RUSF1: variants seen among roughly 807,000 people sequenced by gnomAD.
The protein encoded by RUSF1 is RUS1 family protein C16orf58.
In RUSF1, 58 loss-of-function variants were observed where a neutral mutation model predicts 63.0. The observed-to-expected ratio is 0.92, with a 90% CI of 0.75 to 1.15. RUSF1 has a LOEUF of 1.15. RUSF1 is among the 50% of genes most tolerant of loss of function. The pLI is 0.00. For missense variants in RUSF1, 652 were observed against 611.0 expected (o/e 1.07, Z -0.71); for synonymous variants, 274 against 255.8 (o/e 1.07, Z -0.68).
chr16:31,508,120 C>T lies in RUSF1; in HGVS notation c.254G>A (p.Ser85Asn). Reference protein sequence around the residue: ...AVFLPQGFPDSVSPDYLPYQL... With the variant: ...AVFLPQGFPDNVSPDYLPYQL... ...GTAGGGCAAGTAGTCCGGGCTGACG[C>T]TATCAGGGAAGCCCTGAGGCAGGAA... The change falls in exon 1 of 13, where the codon AGC becomes AAC. Residue 85 changes from serine (S) to asparagine (N), a missense_variant. Transcript: ENST00000327237. 1 of 1,603,646 alleles carries T rather than the reference C, an allele frequency of 6.2e-7. No individual in the cohort carries two copies. Among genetic ancestry groups the T allele is most frequent in the Non-Finnish European group, 8.5e-7 (1 of 1,175,650 alleles).
intron 2 of RUSF1, among the ~76,000 whole-genome samples, chr16:31,503,084 G>C (rs2082640713): frequency 6.6e-6 from 1 of 152,230 alleles, no homozygotes; most frequent in Admixed American, 6.5e-5. Flanking sequence ...CCTAGCATCT[G>C]AGTCACTACT....
Position 31,499,321 on chromosome 16 carries a change from G to A in RUSF1, c.581C>T (p.Ser194Phe), listed in dbSNP as rs2082620519. ...VYPICFTMTV[S>F]TSNLAKCIVS... ...AGCTACCTTGGCTAGGTTGCTGGTG[G>A]AGACGGTCATGGTGAAACAGATTGG... Residue 194 changes from serine (S) to phenylalanine (F), a missense_variant, in exon 5 of 13, where the codon TCC becomes TTC. Ser to Phe is a radical substitution (Grantham distance 155, BLOSUM62 -2). Transcript: ENST00000327237. 2 of 1,613,884 alleles carry A rather than the reference G, an allele frequency of 1.2e-6. No individual in the cohort carries two copies. The highest frequency in any genetic ancestry group is 1.1e-5 in the South Asian group (1 of 91,072).
intron 9 of RUSF1, 154 bp downstream of exon 9, chr16:31,493,313 T>A: frequency 9.3e-7 from 1 of 1,070,568 alleles, no homozygotes; most frequent in Non-Finnish European, 1.4e-6. Flanking sequence ...CACCCTTTCC[T>A]TCCTCACACA....
intron 6 of RUSF1, among the ~76,000 whole-genome samples, chr16:31,496,434 C>T (rs1259065511): frequency 6.6e-6 from 1 of 152,144 alleles, no homozygotes; most frequent in Non-Finnish European, 1.5e-5. Context: ...GTGTCCCTAC[C>T]CCAACTCCAG....
intron 2 of RUSF1, among the ~76,000 whole-genome samples, chr16:31,505,119 G>A (rs1054926976): frequency 6.6e-6 from 1 of 152,172 alleles, no homozygotes; most frequent in Non-Finnish European, 1.5e-5. Context: ...CCTGTAAAGG[G>A]TCTGTGCTGA....
rs1381195289 is a variant in RUSF1, at chr16:31,507,883, A to G, written c.301-5T>C. The G allele has an allele frequency of 6.4e-7, 1 of 1,554,538 alleles. No homozygotes were observed. Among genetic ancestry groups the G allele is most frequent in the Non-Finnish European group, 8.7e-7 (1 of 1,148,514 alleles). ...GGAGAGGCTGGAAGCAAACGCCTGG[A>G]GAAGAAAACAAGTAGGGTGAGAAGC... is the stretch of plus-strand genomic sequence containing the variant. On this transcript the variant is annotated splice_polypyrimidine_tract_variant and splice_region_variant and intron_variant, in intron 1 of 12. Coordinates refer to ENST00000327237, the MANE Select transcript of RUSF1 (RefSeq NM_022744.4).
rs2082575229 is a variant in RUSF1, at chr16:31,492,281, T to C, written c.1147A>G (p.Thr383Ala). The C allele has an allele frequency of 6.2e-7, 1 of 1,612,532 alleles. No homozygotes were observed. ...AGGGCCCCAAGCATCAGCCCATGTG[T>C]GGCGGCCCTTAGGATGGTCTTGGGG... ...AGPKTILRAATHGLMLGALQG... is the reference protein window; with the variant it reads ...AGPKTILRAAAHGLMLGALQG... The change falls in exon 11 of 13, where the codon ACA becomes GCA. Residue 383 changes from threonine to alanine, a missense_variant. Thr to Ala is a moderately conservative substitution (Grantham distance 58, BLOSUM62 0). Transcript: ENST00000327237.
In RUSF1 at chr16:31,496,933, A is replaced by G; in HGVS notation, c.618T>C (p.Ala206=). 5.0e-6 allele frequency: 8 copies of G among 1,608,420 alleles called. No individual in the cohort carries two copies. The highest frequency in any genetic ancestry group is 6.8e-6 in the Non-Finnish European group (8 of 1,177,878). ...TCAGGGCAGCCCGAGTGGCCCCACCAGCAACACTCACGATGCACTGGGTGG... is the reference window on the plus strand; with the variant it reads ...TCAGGGCAGCCCGAGTGGCCCCACCGGCAACACTCACGATGCACTGGGTGG... The part of the protein sequence containing the change: ...SNLAKCIVSV[A]GGATRAALTV... The change falls in exon 6 of 13, where the codon GCT becomes GCC. Residue 206 remains alanine, a synonymous_variant. Transcript: ENST00000327237.
Position 31,492,094 on chromosome 16 carries a change from C to T in RUSF1, c.1232-8G>A, listed in dbSNP as rs370884301. 1.4e-5 allele frequency: 23 copies of T among 1,613,962 alleles called. No individual in the cohort carries two copies. The highest frequency in any genetic ancestry group is 2.7e-5 in the African/African-American group (2 of 74,914). On this transcript the variant is annotated splice_region_variant and splice_polypyrimidine_tract_variant and intron_variant, in intron 11 of 12. Transcript: ENST00000327237. ...AGCTCTCTTTCTTAGGACCTGGGTA[C>T]GGGGGTGCAGAACCAGAAGCTCTGT...
intron 12 of RUSF1, 96 bp downstream of exon 12, chr16:31,491,913 T>G: frequency 7.4e-7 from 1 of 1,351,866 alleles, no homozygotes; most frequent in Non-Finnish European, 1.0e-6. Context: ...AACCCAAGTC[T>G]TTTACCTTTC....
At chr16:31,491,673 C>T (rs1007999369) in intron 12 of RUSF1, among the ~76,000 whole-genome samples, 1 of 145,650 alleles carries the variant, frequency 6.9e-6, no homozygotes, top group African/African-American at 2.6e-5. Flanking sequence ...CAGGCTGGTA[C>T]AATCATGGCT....
At chr16:31,491,508 G>T (rs1264524936) in intron 12 of RUSF1, among the ~76,000 whole-genome samples, 1 of 151,834 alleles carries the variant, frequency 6.6e-6, no homozygotes, top group Non-Finnish European at 1.5e-5. Flanking sequence ...GTAGAGACAG[G>T]GTTTCACCAT....
chr16:31,490,593 C>T lies in RUSF1; in HGVS notation c.*242G>A. 7.1e-7 allele frequency: 1 copy of T among 1,412,668 alleles called. No homozygotes were observed. Among genetic ancestry groups the T allele is most frequent in the Non-Finnish European group, 9.9e-7 (1 of 1,014,100 alleles). The allele number at this position is 1,412,668 out of a possible 1,614,324, so 87.5% of individuals were successfully genotyped here. A position where few individuals can be genotyped will look rare whatever the true frequency, so the allele number is the denominator to read the frequency against. The stretch of plus-strand genomic sequence containing the variant: ...CTCACAGGAAGTGGGGGTGAGGAGC[C>T]TGCGGTGCTCCCCAGAAAAGGGGAA... On this transcript the variant is annotated 3_prime_UTR_variant, in exon 13 of 13. Coordinates refer to ENST00000327237, the MANE Select transcript of RUSF1 (RefSeq NM_022744.4).
At chr16:31,497,941 G>C (rs958724922) in intron 5 of RUSF1, among the ~76,000 whole-genome samples, 3 of 152,242 alleles carry the variant, frequency 2.0e-5, no homozygotes, top group African/African-American at 7.2e-5. Flanking sequence ...TGCTCTGAGA[G>C]AGGAGCGGCA....
At chr16:31,505,979 G>C (rs2082656926) in intron 2 of RUSF1, among the ~76,000 whole-genome samples, 1 of 152,158 alleles carries the variant, frequency 6.6e-6, no homozygotes, top group Non-Finnish European at 1.5e-5. Flanking sequence ...GATCTGCTGT[G>C]CTGCTTAGTT....
chr16:31,496,063 C>T (rs371401151), intron 6 of RUSF1, among the ~76,000 whole-genome samples: 2 of 152,082 alleles, frequency 1.3e-5, no homozygotes, highest in East Asian at 1.9e-4. Context: ...TAAAGTAGTA[C>T]CTACCTCAAA....
chr16:31,504,203 C>CT lies in RUSF1; in HGVS notation c.416-3473dup, dbSNP rs899663572. Reference sequence around the variant, plus strand: ...GCGTGAGCCACGGCACCTGGCCTTTCTTTTTTTTTTTCATATCTTAAAGTG... The same window carrying CT: ...GCGTGAGCCACGGCACCTGGCCTTTCTTTTTTTTTTTTCATATCTTAAAGTG... On this transcript the variant is annotated intron_variant, in intron 2 of 12. Coordinates refer to ENST00000327237, the MANE Select transcript of RUSF1 (RefSeq NM_022744.4). 8.1e-3 allele frequency among the ~76,000 whole-genome samples: 1,193 copies of CT among 146,676 alleles called. 3 individuals are homozygous for CT. The highest frequency in any genetic ancestry group is 0.011 in the Non-Finnish European group (751 of 65,580).
chr16:31,497,398 C>A (rs905051110), intron 5 of RUSF1, among the ~76,000 whole-genome samples: 14 of 152,282 alleles, frequency 9.2e-5, no homozygotes, highest in African/African-American at 3.4e-4. Context: ...GTACCCAGAT[C>A]TCTCCCTCTG....
intron 2 of RUSF1, among the ~76,000 whole-genome samples, chr16:31,501,737 ACT>A (rs962231760): frequency 2.6e-5 from 4 of 152,016 alleles, no homozygotes; most frequent in Non-Finnish European, 4.4e-5. Context: ...TGGCTACCTA[ACT>A]CTCTCTGCCA....
Sources: allele counts gnomAD v4.1 joint callset (sites outside exome capture counted in the v4.1 genomes callset), GRCh38; gene constraint gnomAD v4.1.1; transcripts MANE v1.5; gene names NCBI Gene and HGNC (gene_info 2026-07-23, HGNC 2026-07-21).